The following TAF3 variants were observed in gnomAD, a reference collection of about 807,000 sequenced individuals.
TAF3 encodes the protein transcription initiation factor TFIID subunit 3.
TAF3 carries 7 observed loss-of-function variants against 80.6 expected under a neutral mutation model. The observed-to-expected ratio is 0.09, with a 90% CI of 0.05 to 0.16. TAF3 has a LOEUF of 0.16. TAF3 is among the 10% of genes least tolerant of loss of function. The probability of loss-of-function intolerance (pLI) is 1.00; values close to 1 mark genes in which losing one functional copy is unlikely to be tolerated. For missense variants in TAF3, 921 were observed against 1,140.2 expected, an observed-to-expected ratio of 0.81 and a Z score of 2.77; for synonymous variants, 444 against 446.1, an observed-to-expected ratio of 1.00 and a Z score of 0.06.
intron 2 of TAF3, among the ~76,000 whole-genome samples, chr10:7,919,135 G>A (rs1297347805): frequency 1.3e-5 from 2 of 152,180 alleles, no homozygotes; most frequent in Non-Finnish European, 2.9e-5. Context: ...GATTGAGTGC[G>A]ACTAGGGGCC....
In TAF3 at chr10:8,014,699, C is replaced by G. The variant is rs201712983; in HGVS notation, c.2738C>G (p.Ala913Gly). 1.4e-5 allele frequency: 22 copies of G among 1,611,176 alleles called. No homozygotes were observed. Among genetic ancestry groups the G allele is most frequent in the Non-Finnish European group, 1.7e-5 (20 of 1,178,702 alleles). Residue 913 changes from alanine (A) to glycine (G), a missense_variant, in exon 7 of 7, where the codon GCG becomes GGG. By Grantham distance (60) the Ala-to-Gly change is moderately conservative (BLOSUM62 0). Coordinates refer to ENST00000344293, the MANE Select transcript of TAF3 (RefSeq NM_031923.4). ...EEMQWFCPKC[A>G]NKKKDKKHKK... is the part of the protein sequence containing the mutation. ...ATGCAGTGGTTCTGCCCCAAGTGTGCGAACAAGAAGAAGGACAAAAAGCAC... is the reference window on the plus strand; with the variant it reads ...ATGCAGTGGTTCTGCCCCAAGTGTGGGAACAAGAAGAAGGACAAAAAGCAC...
At chr10:7,824,632 C>G (rs1419867410) in intron 2 of TAF3, 72 bp downstream of exon 2, 1 of 1,494,298 alleles carries the variant, frequency 6.7e-7, no homozygotes, top group Non-Finnish European at 9.1e-7. Flanking sequence ...GCTTTCCATG[C>G]TATGTCAACT....
chr10:7,887,347 C>T (rs889365968), intron 2 of TAF3, among the ~76,000 whole-genome samples: 4 of 151,948 alleles, frequency 2.6e-5, no homozygotes, highest in African/African-American at 9.7e-5. Flanking sequence ...CAATCGTTGA[C>T]CTGTGAACCC....
intron 2 of TAF3, among the ~76,000 whole-genome samples, chr10:7,884,976 G>A (rs765949812): frequency 6.7e-6 from 1 of 148,868 alleles, no homozygotes; most frequent in Non-Finnish European, 1.5e-5. Context: ...AATATATCTG[G>A]AGTTTAATTT....
chr10:7,858,856 G>C (rs549673323), intron 2 of TAF3, among the ~76,000 whole-genome samples: 2 of 152,104 alleles, frequency 1.3e-5, no homozygotes, highest in South Asian at 4.1e-4. Context: ...CTGAATGTAC[G>C]TGTGAGTGTG....
rs774447869 is a variant in TAF3, at chr10:7,965,769, A to G, written c.2232+27A>G. 4 of 1,509,678 alleles carry G rather than the reference A, an allele frequency of 2.6e-6. No homozygotes were observed. In the South Asian group the frequency reaches 4.4e-5, roughly 16 times the overall value. 93.5% of individuals were successfully genotyped at this position (1,509,678 alleles called of 1,614,324 possible). On this transcript the variant is annotated intron_variant, in intron 3 of 6. Coordinates refer to ENST00000344293, the MANE Select transcript of TAF3 (RefSeq NM_031923.4). The stretch of plus-strand genomic sequence containing the variant: ...TAAGCAGTTTCTCATTTTTGGCCCT[A>G]TCTGAACAGAGTCCTAGTGAGAAAC...
chr10:7,966,298 A>C (rs551830583), intron 3 of TAF3, among the ~76,000 whole-genome samples: 2 of 152,312 alleles, frequency 1.3e-5, no homozygotes, highest in South Asian at 2.1e-4. Context: ...TTCTGCTTTA[A>C]TAAGATAAGG....
At chr10:7,844,441 A>G (rs1836949511) in intron 2 of TAF3, among the ~76,000 whole-genome samples, 3 of 144,252 alleles carry the variant, frequency 2.1e-5, no homozygotes, top group African/African-American at 7.8e-5. Context: ...CAGTGGCGCG[A>G]TCTCGGCTCA....
At chr10:7,913,499 A>G (rs1837676993) in intron 2 of TAF3, among the ~76,000 whole-genome samples, 1 of 152,162 alleles carries the variant, frequency 6.6e-6, no homozygotes, top group African/African-American at 2.4e-5. Flanking sequence ...TTGCCAACCC[A>G]TTTATTATGC....
chr10:7,865,134 G>A (rs1401278410), intron 2 of TAF3, among the ~76,000 whole-genome samples: 1 of 152,110 alleles, frequency 6.6e-6, no homozygotes, highest in African/African-American at 2.4e-5. Flanking sequence ...GGGCCTGGGG[G>A]TCAGGAGCTT....
At chr10:7,957,565 A>G (rs530111609) in intron 2 of TAF3, among the ~76,000 whole-genome samples, 9 of 152,302 alleles carry the variant, frequency 5.9e-5, no homozygotes, top group Non-Finnish European at 1.0e-4. Context: ...CTTATTGATC[A>G]AGGAACTAAT....
chr10:7,877,798 T>TA (rs947829557), intron 2 of TAF3, among the ~76,000 whole-genome samples: 1 of 152,198 alleles, frequency 6.6e-6, no homozygotes, highest in African/African-American at 2.4e-5. Flanking sequence ...TCTTGGTTCT[T>TA]ACTCCATTTT....
intron 2 of TAF3, among the ~76,000 whole-genome samples, chr10:7,906,664 T>C (rs1837610955): frequency 6.6e-6 from 1 of 151,958 alleles, no homozygotes; most frequent in Non-Finnish European, 1.5e-5. Flanking sequence ...TTGAAATTTA[T>C]TCCTACAAAA....
intron 2 of TAF3, chr10:7,833,947 C>T (rs548185770): frequency 6.0e-4 from 223 of 373,438 alleles, no homozygotes; most frequent in African/African-American, 4.4e-3. Flanking sequence ...GCCATTCCCG[C>T]TGGGCACCAT....
At chr10:7,864,858 T>C (rs145234549) in intron 2 of TAF3, among the ~76,000 whole-genome samples, 128 of 152,256 alleles carry the variant, frequency 8.4e-4, no homozygotes, top group African/African-American at 3.0e-3. Context: ...GTACTCTTTG[T>C]GCCCTAAGAA....
Position 7,818,785 on chromosome 10 carries a change from G to T in TAF3, c.76G>T (p.Val26Leu). 6.3e-7 allele frequency: 1 copy of T among 1,582,350 alleles called. No individual in the cohort carries two copies. Residue 26 changes from valine (V) to leucine (L), a missense_variant, in exon 1 of 7, where the codon GTG becomes TTG. Physicochemically the swap from Val to Leu is conservative, Grantham distance 32. Transcript: ENST00000344293. ...CTGCCAGGCGCTGGGCTGGGACTCG[G>T]TGCAGCTCAGCGCCTGCCACCTCCT... ...QICQALGWDSVQLSACHLLTD... is the reference protein window; with the variant it reads ...QICQALGWDSLQLSACHLLTD...
At chr10:7,994,809 CAAA>C (rs34669002) in intron 4 of TAF3, among the ~76,000 whole-genome samples, 3 of 124,352 alleles carry the variant, frequency 2.4e-5, no homozygotes, top group Non-Finnish European at 1.7e-5. Flanking sequence ...CTAAAAATAC[CAAA>C]AAAAAAAAAA....
Position 8,016,157 on chromosome 10 carries a change from C to A in TAF3, c.*1406C>A, listed in dbSNP as rs1439023504. The A allele has an allele frequency of 6.6e-6, 1 of 152,080 alleles. No individual in the cohort carries two copies. The highest frequency in any genetic ancestry group is 1.5e-5 in the Non-Finnish European group (1 of 68,010). The allele number at this position is 152,080 out of a possible 1,614,324, so 9.4% of individuals were successfully genotyped here. On this transcript the variant is annotated 3_prime_UTR_variant, in exon 7 of 7. Coordinates refer to ENST00000344293, the MANE Select transcript of TAF3 (RefSeq NM_031923.4). ...TATTTTAGCAACTTTGGGATAAATACGGACTTTTACTTGATTTTGAAATAA... is the reference window on the plus strand; with the variant it reads ...TATTTTAGCAACTTTGGGATAAATAAGGACTTTTACTTGATTTTGAAATAA...
intron 2 of TAF3, among the ~76,000 whole-genome samples, chr10:7,847,885 T>G (rs1475633580): frequency 6.6e-6 from 1 of 152,192 alleles, no homozygotes; most frequent in Non-Finnish European, 1.5e-5. Flanking sequence ...CTCCTGAGGC[T>G]GAGCCTCCCG....
Sources: allele counts gnomAD v4.1 joint callset (sites outside exome capture counted in the v4.1 genomes callset), GRCh38; gene constraint gnomAD v4.1.1; transcripts MANE v1.5; gene names NCBI Gene and HGNC (gene_info 2026-07-23, HGNC 2026-07-21).